The following ZFP62 variants were observed in gnomAD, a reference collection of about 807,000 sequenced individuals.
ZFP62 encodes the protein ZFP62 zinc finger protein.
A neutral mutation model predicts 56.4 loss-of-function variants in ZFP62; 44 were observed. That is an observed-to-expected ratio of 0.78 (90% CI 0.61 to 1.00). The LOEUF is 1.00. Ranked by LOEUF, ZFP62 falls within the 50% of genes least tolerant of loss-of-function variation. The pLI is 0.00. For synonymous variants in ZFP62, 421 were observed against 388.9 expected, an observed-to-expected ratio of 1.08 and a Z score of -0.97; for missense variants, 1,030 against 1,085.7, an observed-to-expected ratio of 0.95 and a Z score of 0.72.
chr5:180,848,596 G>A lies in ZFP62; in HGVS notation c.*196C>T. 5.2e-6 allele frequency: 7 copies of A among 1,335,150 alleles called. No individual in the cohort carries two copies. Among genetic ancestry groups the A allele is most frequent in the Non-Finnish European group, 6.7e-6 (7 of 1,046,178 alleles). 82.7% of individuals were successfully genotyped at this position (1,335,150 alleles called of 1,614,324 possible). On this transcript the variant is annotated 3_prime_UTR_variant, in exon 2 of 2. Transcript: ENST00000502412. ...TCAAGTATGGACTGTTTTATATCCT[G>A]TAAGAGCTGAACTACCTTGACACTG...
chr5:180,851,533 TA>T lies in ZFP62; in HGVS notation c.2-41del, dbSNP rs112485824. The T allele has an allele frequency of 9.4e-4, 1,367 of 1,460,370 alleles. 2 individuals are homozygous for T. Among genetic ancestry groups the T allele is most frequent in the Middle Eastern group, 3.2e-3 (18 of 5,576 alleles). The allele number at this position is 1,460,370 out of a possible 1,614,324, so 90.5% of individuals were successfully genotyped here. A position where few individuals can be genotyped will look rare whatever the true frequency, so the allele number is the denominator to read the frequency against. ...TGAAAAGGACACCTATTCACTCTCT[TA>T]AAAAAAAACAAAAACAAACTGGAAT... is the stretch of plus-strand genomic sequence containing the variant. On this transcript the variant is annotated intron_variant, in intron 1 of 1. Coordinates refer to ENST00000502412, the MANE Select transcript of ZFP62 (RefSeq NM_001172638.2).
At chr5:180,860,667 C>T (rs1477071949) in intron 1 of ZFP62, 1 of 124,590 alleles carries the variant, frequency 8.0e-6, no homozygotes, top group African/African-American at 3.1e-5. Flanking sequence ...GCAGCGGGAG[C>T]TTATCATCAT....
In ZFP62 at chr5:180,849,308, G is replaced by T; in HGVS notation, c.2187C>A (p.Phe729Leu). 2 of 1,552,304 alleles carry T rather than the reference G, an allele frequency of 1.3e-6. No homozygotes were observed. Among genetic ancestry groups the T allele is most frequent in the South Asian group, 2.4e-5 (2 of 84,058 alleles). The part of the protein sequence containing the change: ...HKRVHLGEKP[F>L]KCVECGKSFS... ...AAGATTTCCCACACTCAACACACTTGAAGGGTTTCTCCCCAAGATGGACTC... is the reference window on the plus strand; with the variant it reads ...AAGATTTCCCACACTCAACACACTTTAAGGGTTTCTCCCCAAGATGGACTC... The change falls in exon 2 of 2, where the codon TTC (phenylalanine) becomes TTA (leucine). Residue 729 changes from phenylalanine (F) to leucine (L), a missense_variant. Coordinates refer to ENST00000502412, the MANE Select transcript of ZFP62 (RefSeq NM_001172638.2).
chr5:180,860,715 T>G (rs2127381), intron 1 of ZFP62: 140,648 of 148,390 alleles, frequency 0.95, 66,720 homozygotes, highest in East Asian at 1. Flanking sequence ...AAAAAGGTGG[T>G]GGGGTGGAGC....
chr5:180,827,162 G>A, the ZFP62 span, among the ~76,000 whole-genome samples: 21 of 152,348 alleles, frequency 1.4e-4, no homozygotes, highest in African/African-American at 4.8e-4. Flanking sequence ...GGTGACAGGA[G>A]AAGCAGAGGA....
In ZFP62 at chr5:180,850,976, G is replaced by A; in HGVS notation, c.519C>T (p.Asp173=). ...AGCTGCTCCGGAAAGTCCCTCCACAGTCATCACATTCATAGCGCTTTTCCC... is the reference window on the plus strand; with the variant it reads ...AGCTGCTCCGGAAAGTCCCTCCACAATCATCACATTCATAGCGCTTTTCCC... The part of the protein sequence containing the change: ...HTGEKRYECD[D]CGGTFRSSSS... The change falls in exon 2 of 2, where the codon GAC becomes GAT. Residue 173 remains aspartate, a synonymous_variant. Coordinates refer to ENST00000502412, the MANE Select transcript of ZFP62 (RefSeq NM_001172638.2). 3 of 1,552,800 alleles carry A rather than the reference G, an allele frequency of 1.9e-6. No individual in the cohort carries two copies. The South Asian group carries it at 3.6e-5, about 18-fold the overall frequency.
the ZFP62 span, among the ~76,000 whole-genome samples, chr5:180,838,674 A>G: frequency 6.6e-6 from 1 of 152,272 alleles, no homozygotes; most frequent in South Asian, 2.1e-4. Context: ...AAAGTTTTAT[A>G]CTATACTTCT....
At chr5:180,837,381 C>T in the ZFP62 span, among the ~76,000 whole-genome samples, 1 of 152,198 alleles carries the variant, frequency 6.6e-6, no homozygotes, top group African/African-American at 2.4e-5. Context: ...TAAAGGTCTA[C>T]TTCTCTGAGC....
chr5:180,851,005 T>G lies in ZFP62; in HGVS notation c.490A>C (p.Thr164Pro), dbSNP rs1243438700. 6.4e-7 allele frequency: 1 copy of G among 1,551,918 alleles called. No homozygotes were observed. The highest frequency in any genetic ancestry group is 8.7e-7 in the Non-Finnish European group (1 of 1,147,116). ...TCACATTCATAGCGCTTTTCCCCAGTGTGCATAATTTTATGTTGAACAAGG... is the reference window on the plus strand; with the variant it reads ...TCACATTCATAGCGCTTTTCCCCAGGGTGCATAATTTTATGTTGAACAAGG... The part of the protein sequence containing the change: ...SRLVQHKIMH[T>P]GEKRYECDDC... Residue 164 changes from threonine to proline, a missense_variant, in exon 2 of 2, where the codon ACT becomes CCT. Coordinates refer to ENST00000502412, the MANE Select transcript of ZFP62 (RefSeq NM_001172638.2).
At position 180,849,185 on chromosome 5, in the gene ZFP62, T is replaced by C; in HGVS notation, c.2310A>G (p.Ser770=). 6.4e-7 allele frequency: 1 copy of C among 1,561,998 alleles called. No individual in the cohort carries two copies. The change falls in exon 2 of 2, where the codon TCA becomes TCG. Residue 770 remains serine, a synonymous_variant. Transcript: ENST00000502412. ...DRCGKAFRNS[S]GLTVHKRIHT... is the part of the protein sequence containing the mutation. ...GGATCCTTTTATGCACTGTGAGGCC[T>C]GAGCTGTTCCTGAAGGCCTTCCCAC...
chr5:180,832,211 G>A, the ZFP62 span, among the ~76,000 whole-genome samples: 8 of 152,204 alleles, frequency 5.3e-5, no homozygotes, highest in African/African-American at 1.7e-4. Context: ...GAGTGCAGTG[G>A]CGTAATCATG....
chr5:180,850,270 C>T lies in ZFP62; in HGVS notation c.1225G>A (p.Ala409Thr), dbSNP rs535741816. 11 of 1,555,548 alleles carry T rather than the reference C, an allele frequency of 7.1e-6. No homozygotes were observed. In the Middle Eastern group the frequency reaches 5.0e-4, roughly 71 times the overall value. The change falls in exon 2 of 2, where the codon GCA becomes ACA. Residue 409 changes from alanine to threonine, a missense_variant. Coordinates refer to ENST00000502412, the MANE Select transcript of ZFP62 (RefSeq NM_001172638.2). ...CCAGGGTGAATGCTTTTATGGACTGCGAGGCCTGAGCTATAGCTGAATGCT... is the reference window on the plus strand; with the variant it reads ...CCAGGGTGAATGCTTTTATGGACTGTGAGGCCTGAGCTATAGCTGAATGCT... Reference protein sequence around the residue: ...GKAFSYSSGLAVHKSIHPGKK... With the variant: ...GKAFSYSSGLTVHKSIHPGKK...
chr5:180,844,631 C>A (rs145213530), downstream of ZFP62, among the ~76,000 whole-genome samples: 2 of 152,212 alleles, frequency 1.3e-5, no homozygotes, highest in Non-Finnish European at 2.9e-5. Flanking sequence ...CAACCCCCAA[C>A]GTGTGGTTAC....
chr5:180,841,365 GGC>G, the ZFP62 span, among the ~76,000 whole-genome samples: 58 of 151,934 alleles, frequency 3.8e-4, 1 homozygote, highest in Middle Eastern at 3.4e-3. Flanking sequence ...AGGAACTTGA[GGC>G]GAGGATTTTT....
downstream of ZFP62, among the ~76,000 whole-genome samples, chr5:180,844,380 C>T (rs867955989): frequency 2.0e-5 from 3 of 152,198 alleles, no homozygotes; most frequent in Non-Finnish European, 2.9e-5. Context: ...GGAACTTCAC[C>T]TGCTCCTCTC....
chr5:180,844,941 C>T (rs1773379717), downstream of ZFP62, among the ~76,000 whole-genome samples: 1 of 152,150 alleles, frequency 6.6e-6, no homozygotes, highest in South Asian at 2.1e-4. Flanking sequence ...AAATACTTCT[C>T]ATTCTAGGCA....
At chr5:180,836,929 G>A in the ZFP62 span, among the ~76,000 whole-genome samples, 2 of 152,176 alleles carry the variant, frequency 1.3e-5, no homozygotes, top group African/African-American at 4.8e-5. Context: ...ACATTCCTGT[G>A]CTATCAAATG....
the ZFP62 span, among the ~76,000 whole-genome samples, chr5:180,841,963 T>G: frequency 7.9e-5 from 12 of 152,156 alleles, no homozygotes; most frequent in African/African-American, 2.7e-4. Context: ...TAAGAATTGC[T>G]TGAACCTGGA....
chr5:180,849,942 G>C lies in ZFP62; in HGVS notation c.1553C>G (p.Ser518Cys). The change falls in exon 2 of 2, where the codon TCT (serine) becomes TGT (cysteine). Residue 518 changes from serine to cysteine, a missense_variant. Coordinates refer to ENST00000502412, the MANE Select transcript of ZFP62 (RefSeq NM_001172638.2). ...AATCCTTTTATGCTGTTCAAGGGCA[G>C]AGCTGTAGTTGAAGGATTTCTCACA... ...SYCEKSFNYS[S>C]ALEQHKRIHT... 1 of 1,551,614 alleles carries C rather than the reference G, an allele frequency of 6.4e-7. No individual in the cohort carries two copies. The highest frequency in any genetic ancestry group is 8.7e-7 in the Non-Finnish European group (1 of 1,146,984).
Sources: allele counts gnomAD v4.1 joint callset (sites outside exome capture counted in the v4.1 genomes callset), GRCh38; gene constraint gnomAD v4.1.1; transcripts MANE v1.5; gene names NCBI Gene and HGNC (gene_info 2026-07-23, HGNC 2026-07-21).